Variants in L3MBTL4 observed in about 807,000 individuals in gnomAD.
L3MBTL4 encodes the protein lethal(3)malignant brain tumor-like protein 4.
Under a neutral mutation model 84.5 loss-of-function variants are expected in L3MBTL4, and 70 were observed. That is an observed-to-expected ratio of 0.83 (90% confidence interval 0.68 to 1.01). L3MBTL4 has a LOEUF of 1.01. Ranked by LOEUF, L3MBTL4 falls within the 50% of genes least tolerant of loss-of-function variation. L3MBTL4 has a pLI of 0.00. For missense variants in L3MBTL4, 715 were observed against 754.8 expected (o/e 0.95, Z 0.62); for synonymous variants, 274 against 259.8 (o/e 1.05, Z -0.52).
rs1172126892 is a variant in L3MBTL4, at chr18:6,333,346, G to A, written c.-90-21290C>T. 3.9e-5 allele frequency among the ~76,000 whole-genome samples: 6 copies of A among 152,036 alleles called. No homozygotes were observed. The East Asian group carries it at 7.7e-4, about 20-fold the overall frequency. On this transcript the variant is annotated intron_variant, in intron 1 of 18. Transcript: ENST00000317931. ...TCCCAACACTTTGGGAGGCTGAGGC[G>A]GGCAGATCACGAGGTCAAGAGATCG...
At chr18:6,333,332 T>C (rs1236843915) in intron 1 of L3MBTL4, among the ~76,000 whole-genome samples, 3 of 152,106 alleles carry the variant, frequency 2.0e-5, no homozygotes, top group East Asian at 3.9e-4. Flanking sequence ...CCCAACACTT[T>C]GGGAGGCTGA....
At chr18:6,356,257 G>A (rs887585228) in intron 1 of L3MBTL4, among the ~76,000 whole-genome samples, 4 of 152,196 alleles carry the variant, frequency 2.6e-5, no homozygotes, top group Admixed American at 6.5e-5. Flanking sequence ...AGAGGACACC[G>A]CTCCCACTCA....
intron 4 of L3MBTL4, among the ~76,000 whole-genome samples, chr18:6,271,380 C>A (rs961381348): frequency 2.2e-4 from 33 of 151,752 alleles, no homozygotes; most frequent in African/African-American, 7.8e-4. Context: ...TGTCAATTTA[C>A]AATAAAAAAG....
intron 16 of L3MBTL4, among the ~76,000 whole-genome samples, chr18:5,969,995 C>T (rs532107503): frequency 6.6e-6 from 1 of 152,250 alleles, no homozygotes; most frequent in East Asian, 1.9e-4. Flanking sequence ...TTCCTGGAAA[C>T]AGCCTCATGA....
At chr18:6,234,695 A>G (rs1330861509) in intron 10 of L3MBTL4, among the ~76,000 whole-genome samples, 6 of 152,332 alleles carry the variant, frequency 3.9e-5, no homozygotes, top group African/African-American at 1.4e-4. Flanking sequence ...GTGGAGAAAT[A>G]GGAACACTTT....
chr18:6,088,359 A>T (rs1013791332), intron 15 of L3MBTL4, among the ~76,000 whole-genome samples: 4 of 152,318 alleles, frequency 2.6e-5, no homozygotes, highest in African/African-American at 9.6e-5. Context: ...AGGTATTGCA[A>T]TAAGTGTTAG....
At chr18:6,029,298 C>G (rs2055661539) in intron 16 of L3MBTL4, 3 of 319,784 alleles carry the variant, frequency 9.4e-6, no homozygotes, top group Non-Finnish European at 1.4e-5. Flanking sequence ...CAGGAGTATG[C>G]TTAAATACAC....
At chr18:6,247,466 A>ATTTTTTTTTTTTTTTTTTTTTTTTT (rs71163266) in intron 5 of L3MBTL4, among the ~76,000 whole-genome samples, 1 of 49,642 alleles carries the variant, frequency 2.0e-5, no homozygotes, top group African/African-American at 1.0e-4. Context: ...CCCTCCTCTG[A>ATTTTTTTTTTTTTTTTTTTTTTTTT]TTTTTTTTTT....
intron 1 of L3MBTL4, among the ~76,000 whole-genome samples, chr18:6,319,630 C>A (rs11665297): frequency 1.3e-5 from 2 of 151,734 alleles, no homozygotes; most frequent in East Asian, 1.9e-4. Flanking sequence ...AAGTTTCAAT[C>A]GTAATATTTA....
chr18:5,995,814 T>C lies in L3MBTL4; in HGVS notation c.1445-26252A>G, dbSNP rs145985658. Among the ~76,000 whole-genome samples the C allele has an allele frequency of 3.1e-3, 469 of 152,198 alleles. 3 individuals are homozygous for C. Among genetic ancestry groups the C allele is most frequent in the African/African-American group, 0.011 (452 of 41,526 alleles). ...TGATCCCCACTACTTAGCAGGAAAATGCCACCCTACAGGGCATGGCTGGTA... is the reference window on the plus strand; with the variant it reads ...TGATCCCCACTACTTAGCAGGAAAACGCCACCCTACAGGGCATGGCTGGTA... On this transcript the variant is annotated intron_variant, in intron 16 of 18. Transcript: ENST00000317931.
At chr18:6,360,163 A>T (rs904278369) in intron 1 of L3MBTL4, among the ~76,000 whole-genome samples, 1 of 152,190 alleles carries the variant, frequency 6.6e-6, no homozygotes, top group African/African-American at 2.4e-5. Context: ...TGAGGTCAGG[A>T]GTTCAAGACC....
chr18:6,155,234 A>G (rs1374279761), intron 13 of L3MBTL4, among the ~76,000 whole-genome samples: 1 of 152,218 alleles, frequency 6.6e-6, no homozygotes, highest in Admixed American at 6.5e-5. Flanking sequence ...GGTTATAGAA[A>G]TAACACTACA....
chr18:5,994,943 C>T (rs190064932), intron 16 of L3MBTL4, among the ~76,000 whole-genome samples: 13 of 152,262 alleles, frequency 8.5e-5, no homozygotes, highest in Admixed American at 2.0e-4. Context: ...GTGTTTTATC[C>T]CCTCTACACT....
At chr18:6,091,878 G>C (rs2058470446) in intron 15 of L3MBTL4, among the ~76,000 whole-genome samples, 1 of 152,042 alleles carries the variant, frequency 6.6e-6, no homozygotes, top group African/African-American at 2.4e-5. Flanking sequence ...CGGATGTACT[G>C]GTCTCTATGA....
intron 16 of L3MBTL4, among the ~76,000 whole-genome samples, chr18:6,072,707 T>C (rs2057704159): frequency 6.9e-6 from 1 of 144,484 alleles, no homozygotes; most frequent in East Asian, 2.0e-4. Context: ...CAAAAAAAAA[T>C]TAGCTGGGCG....
intron 4 of L3MBTL4, among the ~76,000 whole-genome samples, chr18:6,270,936 C>T: frequency 6.6e-6 from 1 of 152,174 alleles, no homozygotes; most frequent in Non-Finnish European, 1.5e-5. Flanking sequence ...GATGGAGAGA[C>T]AGGCAGTGGA....
intron 15 of L3MBTL4, among the ~76,000 whole-genome samples, chr18:6,089,270 T>C (rs1480997177): frequency 6.6e-6 from 1 of 152,198 alleles, no homozygotes; most frequent in Non-Finnish European, 1.5e-5. Context: ...GCCTTTAGTA[T>C]ACTATAATAA....
intron 16 of L3MBTL4, among the ~76,000 whole-genome samples, chr18:5,992,180 G>A (rs1381100877): frequency 6.6e-6 from 1 of 152,210 alleles, no homozygotes; most frequent in East Asian, 1.9e-4. Flanking sequence ...GTGATGTGCT[G>A]AGTTCAGGCT....
Position 6,083,635 on chromosome 18 carries a change from T to C in L3MBTL4, c.1374-2684A>G, listed in dbSNP as rs1458170153. 4.6e-5 allele frequency among the ~76,000 whole-genome samples: 7 copies of C among 152,354 alleles called. No individual in the cohort carries two copies. The East Asian group carries it at 9.6e-4, about 21-fold the overall frequency. ...CAATCTCTGTCTAAATCTCCAGGGA[T>C]GTACTACTGTTGCACCAATTATTCC... On this transcript the variant is annotated intron_variant, in intron 15 of 18. Transcript: ENST00000317931.
Sources: gnomAD v4.1 joint callset for allele counts (sites outside exome capture counted in the v4.1 genomes callset) on GRCh38, gnomAD v4.1.1 for gene constraint, MANE v1.5 for transcripts, NCBI Gene and HGNC (gene_info 2026-07-23, HGNC 2026-07-21) for gene names.